NELL1: variants seen among roughly 807,000 people sequenced by gnomAD.
The protein encoded by NELL1 is protein kinase C-binding protein NELL1.
In NELL1, 76 loss-of-function variants were observed where a neutral mutation model predicts 107.4. The ratio of observed to expected loss-of-function variants is 0.71; its 90% CI spans 0.59 to 0.86. The LOEUF is 0.86. Ranked by LOEUF, NELL1 falls within the 40% of genes least tolerant of loss-of-function variation. The probability of loss-of-function intolerance (pLI) is 0.00; values close to 1 mark genes in which losing one functional copy is unlikely to be tolerated. For missense variants in NELL1, 1,024 were observed against 1,005.5 expected, an observed-to-expected ratio of 1.02 and a Z score of -0.25; for synonymous variants, 353 against 341.2, an observed-to-expected ratio of 1.03 and a Z score of -0.38.
chr11:21,523,012 T>C (rs941290287), intron 15 of NELL1, among the ~76,000 whole-genome samples: 1 of 149,404 alleles, frequency 6.7e-6, no homozygotes, highest in Admixed American at 6.7e-5. Flanking sequence ...GCCCGGCTGA[T>C]TTTTTTGTAT....
At chr11:21,068,393 C>G (rs901717740) in intron 12 of NELL1, among the ~76,000 whole-genome samples, 5 of 152,114 alleles carry the variant, frequency 3.3e-5, no homozygotes, top group African/African-American at 1.2e-4. Flanking sequence ...ATAGTAGAGT[C>G]AGAATTTAAA....
chr11:21,456,961 A>G (rs577232893), intron 15 of NELL1, among the ~76,000 whole-genome samples: 186 of 151,554 alleles, frequency 1.2e-3, no homozygotes, highest in African/African-American at 4.0e-3. Flanking sequence ...GATAAATTCT[A>G]TATCCCTTAA....
rs7118349 is a variant in NELL1, at chr11:20,876,996, A to C, written c.507-8448A>C. ...AAGTTACAATTCTCACATTTTTCTTATGAGGCTAAGAGGGGAAAGGGTCTG... is the reference window on the plus strand; with the variant it reads ...AAGTTACAATTCTCACATTTTTCTTCTGAGGCTAAGAGGGGAAAGGGTCTG... On this transcript the variant is annotated intron_variant, in intron 4 of 19. Coordinates refer to ENST00000357134, the MANE Select transcript of NELL1 (RefSeq NM_006157.5). 8.5e-3 allele frequency among the ~76,000 whole-genome samples: 1,300 copies of C among 152,258 alleles called. 17 individuals are homozygous for C. The highest frequency in any genetic ancestry group is 0.03 in the African/African-American group (1,245 of 41,530).
intron 15 of NELL1, among the ~76,000 whole-genome samples, chr11:21,499,201 G>A (rs1006965643): frequency 1.3e-5 from 2 of 148,944 alleles, no homozygotes; most frequent in African/African-American, 5.1e-5. Flanking sequence ...ACAATTTTTT[G>A]TATGTTATTA....
At chr11:21,255,095 C>G (rs776306915) in intron 14 of NELL1, among the ~76,000 whole-genome samples, 2 of 152,040 alleles carry the variant, frequency 1.3e-5, no homozygotes, top group Non-Finnish European at 2.9e-5. Flanking sequence ...TGTCCTGAGG[C>G]CTTTAATGGA....
intron 4 of NELL1, among the ~76,000 whole-genome samples, chr11:20,878,358 C>CAGAAAA (rs1849346344): frequency 1.0e-5 from 1 of 95,768 alleles, no homozygotes; most frequent in Non-Finnish European, 2.1e-5. Context: ...GACCCCGTCT[C>CAGAAAA]AAAAAAAAAA....
chr11:20,814,477 A>T (rs1055032820), intron 3 of NELL1, among the ~76,000 whole-genome samples: 4 of 152,150 alleles, frequency 2.6e-5, no homozygotes, highest in African/African-American at 9.7e-5. Context: ...AGTCCCCACT[A>T]TCTATTGTTC....
chr11:21,552,112 G>A (rs1250004774), intron 16 of NELL1, among the ~76,000 whole-genome samples: 7 of 129,074 alleles, frequency 5.4e-5, no homozygotes, highest in African/African-American at 2.1e-4. Flanking sequence ...ACAGGAAGGG[G>A]AACATCACTC....
At chr11:21,181,785 T>G (rs1856831874) in intron 13 of NELL1, among the ~76,000 whole-genome samples, 1 of 151,932 alleles carries the variant, frequency 6.6e-6, no homozygotes. Flanking sequence ...AATCTTCATT[T>G]AATTAATAGA....
chr11:21,177,316 G>A (rs1302326125), intron 13 of NELL1, among the ~76,000 whole-genome samples: 3 of 151,624 alleles, frequency 2.0e-5, no homozygotes, highest in African/African-American at 7.3e-5. Context: ...CTACATCTAT[G>A]AGTTTGACTT....
At chr11:20,968,356 A>AAAGGAAGGAAGGAAGGAAGGAAGG (rs113924334) in intron 12 of NELL1, among the ~76,000 whole-genome samples, 97 of 151,394 alleles carry the variant, frequency 6.4e-4, no homozygotes, top group African/African-American at 2.2e-3. Flanking sequence ...TTAAAGAAAG[A>AAAGGAAGGAAGGAAGGAAGGAAGG]AAGGAAGGAA....
chr11:21,534,514 G>T lies in NELL1; in HGVS notation c.1786G>T (p.Asp596Tyr). The T allele has an allele frequency of 6.2e-7, 1 of 1,613,600 alleles. No homozygotes were observed. Among genetic ancestry groups the T allele is most frequent in the Non-Finnish European group, 8.5e-7 (1 of 1,179,698 alleles). ...TTCACTGTCCGGGGAGTCCTGTATT[G>T]GTAAGCAGCTTTCAGGCATGCCCTC... ...TYSLSGESCI[D>Y]IDECALRTHT... Residue 596 changes from aspartate (D) to tyrosine (Y), a missense_variant and splice_region_variant, in exon 16 of 20, where the codon GAC (aspartate) becomes TAC (tyrosine). Coordinates refer to ENST00000357134, the MANE Select transcript of NELL1 (RefSeq NM_006157.5).
chr11:21,265,929 T>C (rs1347552413), intron 14 of NELL1, among the ~76,000 whole-genome samples: 1 of 152,038 alleles, frequency 6.6e-6, no homozygotes, highest in African/African-American at 2.4e-5. Context: ...TATTTTTTGG[T>C]CAATATTTTT....
chr11:21,043,162 G>A (rs1278636392), intron 12 of NELL1, among the ~76,000 whole-genome samples: 2 of 152,112 alleles, frequency 1.3e-5, no homozygotes, highest in African/African-American at 2.4e-5. Context: ...GCTGGTGTGG[G>A]CAATGAGAGT....
chr11:21,518,707 T>C (rs960615233), intron 15 of NELL1, among the ~76,000 whole-genome samples: 11 of 152,228 alleles, frequency 7.2e-5, no homozygotes, highest in Admixed American at 6.5e-4. Context: ...GACAGTGTGA[T>C]CTACTGAGAG....
In NELL1 at chr11:21,405,007, G is replaced by A. The variant is rs1852199940; in HGVS notation, c.1645+34059G>A. Among the ~76,000 whole-genome samples, 3 of 152,008 alleles carry A rather than the reference G, an allele frequency of 2.0e-5. No individual in the cohort carries two copies. The South Asian group carries it at 6.2e-4, about 32-fold the overall frequency. ...ATAGCTGCTCTGTCTTTTCATATCT[G>A]TAATAAAGGCAAGGCAAGTAAGCCT... On this transcript the variant is annotated intron_variant, in intron 15 of 19. Coordinates refer to ENST00000357134, the MANE Select transcript of NELL1 (RefSeq NM_006157.5).
intron 15 of NELL1, among the ~76,000 whole-genome samples, chr11:21,442,752 A>G (rs933944605): frequency 1.3e-5 from 2 of 152,198 alleles, no homozygotes; most frequent in South Asian, 4.1e-4. Flanking sequence ...TGAAGACTGG[A>G]ATTGGAGCTG....
rs138953596 is a variant in NELL1, at chr11:21,429,327, T to G, written c.1645+58379T>G. ...AGTAACATTGACAAGTTGGGAGGAA[T>G]GAAATATGATTCAAATGTTTTAACT... On this transcript the variant is annotated intron_variant, in intron 15 of 19. Transcript: ENST00000357134. Among the ~76,000 whole-genome samples the G allele has an allele frequency of 1.5e-4, 23 of 152,330 alleles. No individual in the cohort carries two copies. The East Asian group carries it at 4.4e-3, about 29-fold the overall frequency.
intron 15 of NELL1, among the ~76,000 whole-genome samples, chr11:21,441,843 C>A (rs1181649210): frequency 1.3e-5 from 2 of 152,048 alleles, no homozygotes; most frequent in African/African-American, 4.8e-5. Context: ...GACCTTGTTT[C>A]TTTCATGGAT....
Sources: allele counts gnomAD v4.1 joint callset (sites outside exome capture counted in the v4.1 genomes callset), GRCh38; gene constraint gnomAD v4.1.1; transcripts MANE v1.5; gene names NCBI Gene and HGNC (gene_info 2026-07-23, HGNC 2026-07-21).